Variants in TBC1D1 observed in about 807,000 individuals in gnomAD.
The protein encoded by TBC1D1 is TBC1 (tre-2/USP6, BUB2, cdc16) domain family, member 1.
TBC1D1 carries 89 observed loss-of-function variants against 125.6 expected under a neutral mutation model. That is an observed-to-expected ratio of 0.71 (90% CI 0.60 to 0.85). TBC1D1 has a LOEUF of 0.85. TBC1D1 is among the 40% of genes least tolerant of loss of function. TBC1D1 has a pLI of 0.00. For missense variants in TBC1D1, 1,377 were observed against 1,469.2 expected, an observed-to-expected ratio of 0.94 and a Z score of 1.03; for synonymous variants, 565 against 564.1, an observed-to-expected ratio of 1.00 and a Z score of -0.02.
In TBC1D1 at chr4:37,902,123, A is replaced by G; in HGVS notation, c.28A>G (p.Lys10Glu). ...GGAACCAATAACATTCACAGCAAGG[A>G]AACATCTGCTTTCTAACGAGGTCTC... Residue 10 changes from lysine (K) to glutamate (E), a missense_variant, in exon 2 of 20, where the codon AAA becomes GAA. By Grantham distance (56) the Lys-to-Glu change is moderately conservative. Coordinates refer to ENST00000261439, the MANE Select transcript of TBC1D1 (RefSeq NM_015173.4). 1 of 1,608,700 alleles carries G rather than the reference A, an allele frequency of 6.2e-7. No homozygotes were observed.
rs148702649 is a variant in TBC1D1, at chr4:37,990,009, A to T, written c.418-24500A>T. On this transcript the variant is annotated intron_variant, in intron 2 of 19. Transcript: ENST00000261439. ...TTTGTTTAGCAGAATTTATAATTGT[A>T]GGACTGCCCAAGGCAGAGAATTAGC... 4.2e-3 allele frequency among the ~76,000 whole-genome samples: 646 copies of T among 152,372 alleles called. 4 individuals carry two copies. The highest frequency in any genetic ancestry group is 0.014 in the African/African-American group (589 of 41,588).
chr4:37,981,492 G>A (rs774738614), intron 2 of TBC1D1, among the ~76,000 whole-genome samples: 3 of 152,162 alleles, frequency 2.0e-5, no homozygotes, highest in Non-Finnish European at 4.4e-5. Context: ...CTAGATGGGA[G>A]AGATAGCAAA....
chr4:38,010,849 T>C (rs760494022), intron 2 of TBC1D1, among the ~76,000 whole-genome samples: 4 of 152,104 alleles, frequency 2.6e-5, no homozygotes, highest in Non-Finnish European at 4.4e-5. Context: ...TTAAACCTCC[T>C]CCTCCGGGCA....
chr4:37,898,112 C>T (rs1242970231), intron 1 of TBC1D1, among the ~76,000 whole-genome samples: 2 of 152,100 alleles, frequency 1.3e-5, no homozygotes, highest in African/African-American at 4.8e-5. Context: ...CAGAAAAACA[C>T]AGAGTAAAAA....
rs1196177347 is a variant in TBC1D1, at chr4:38,060,190, A to G, written c.2050+5852A>G. Among the ~76,000 whole-genome samples, 6 of 152,182 alleles carry G rather than the reference A, an allele frequency of 3.9e-5. No homozygotes were observed. The East Asian group carries it at 7.7e-4, about 20-fold the overall frequency. ...GAATAGTGCTGCAGTGAACATATGC[A>G]TGCATGTATCTTTGTAACAGAGTGG... On this transcript the variant is annotated intron_variant, in intron 12 of 19. Transcript: ENST00000261439.
At chr4:37,931,720 C>T (rs1723301422) in intron 2 of TBC1D1, among the ~76,000 whole-genome samples, 1 of 152,186 alleles carries the variant, frequency 6.6e-6, no homozygotes, top group African/African-American at 2.4e-5. Context: ...TCGTGATCCA[C>T]CCGCCTTGGC....
intron 2 of TBC1D1, among the ~76,000 whole-genome samples, chr4:37,993,549 A>G (rs6858606): frequency 0.28 from 42,963 of 151,828 alleles, 6,649 homozygotes; most frequent in African/African-American, 0.4. Flanking sequence ...ATACAGTAGC[A>G]CTCCCTTGGC....
intron 15 of TBC1D1, among the ~76,000 whole-genome samples, chr4:38,111,057 C>T (rs946644836): frequency 2.6e-5 from 4 of 152,246 alleles, no homozygotes; most frequent in African/African-American, 7.2e-5. Context: ...CCCACGGCTC[C>T]GGCCAACTGC....
chr4:38,043,644 G>A (rs962344230), intron 8 of TBC1D1, among the ~76,000 whole-genome samples: 24 of 151,610 alleles, frequency 1.6e-4, no homozygotes, highest in Non-Finnish European at 3.2e-4. Context: ...ACTTCATTTA[G>A]TGGTTGTCAA....
chr4:38,052,194 T>TGTGTGTGTGCGC (rs755025486), intron 11 of TBC1D1, 134 bp downstream of exon 12: 814 of 581,340 alleles, frequency 1.4e-3, no homozygotes, highest in African/African-American at 1.6e-3. Flanking sequence ...TGTGTGTGTG[T>TGTGTGTGTGCGC]GCGCGCGCGT....
At chr4:37,911,128 C>G (rs11930705) in intron 2 of TBC1D1, among the ~76,000 whole-genome samples, 2,524 of 134,710 alleles carry the variant, frequency 0.019, 97 homozygotes, top group African/African-American at 0.068. Flanking sequence ...TTCTCCCCTC[C>G]TCCTTTTTTT....
chr4:38,081,103 G>A (rs1448733724), intron 12 of TBC1D1, among the ~76,000 whole-genome samples: 1 of 152,146 alleles, frequency 6.6e-6, no homozygotes, highest in Non-Finnish European at 1.5e-5. Flanking sequence ...CACTCTGCGT[G>A]TTCGTTGCTG....
rs570099688 is a variant in TBC1D1 at position 37,938,988 on chromosome 4, G to A, written c.417+36476G>A. ...GTGAATAGTGCCGCAATAAACATAC[G>A]TGTGCATGTGTCTTTATAGCAGCAT... On this transcript the variant is annotated intron_variant, in intron 2 of 19. Transcript: ENST00000261439. Among the ~76,000 whole-genome samples, 32 of 152,306 alleles carry A rather than the reference G, an allele frequency of 2.1e-4. No individual in the cohort carries two copies. In the South Asian group the frequency reaches 2.3e-3, roughly 11 times the overall value.
chr4:38,125,983 G>A (rs1764569617), intron 18 of TBC1D1, among the ~76,000 whole-genome samples: 1 of 152,194 alleles, frequency 6.6e-6, no homozygotes, highest in Non-Finnish European at 1.5e-5. Context: ...AGATAGTCAT[G>A]TGTCACTTAA....
At chr4:38,116,039 T>C in intron 16 of TBC1D1, 85 bp downstream of exon 18, 1 of 1,472,818 alleles carries the variant, frequency 6.8e-7, no homozygotes, top group African/African-American at 1.4e-5. Flanking sequence ...AGGAGCTTTT[T>C]CACCGTCAGG....
intron 2 of TBC1D1, among the ~76,000 whole-genome samples, chr4:37,922,920 G>T (rs1323099850): frequency 6.6e-6 from 1 of 152,088 alleles, no homozygotes; most frequent in Non-Finnish European, 1.5e-5. Flanking sequence ...CAATAAGGAG[G>T]TGCCACAGCT....
At chr4:37,952,514 AAACT>A (rs1404643582) in intron 2 of TBC1D1, 1 of 165,228 alleles carries the variant, frequency 6.1e-6, no homozygotes, top group Non-Finnish European at 1.3e-5. Context: ...TATCCTCAGC[AAACT>A]AACAAAGGAA....
intron 12 of TBC1D1, among the ~76,000 whole-genome samples, chr4:38,062,726 G>A (rs755539075): frequency 6.7e-6 from 1 of 149,598 alleles, no homozygotes; most frequent in East Asian, 2.0e-4. Flanking sequence ...CTATTTTTGT[G>A]CCTGTTAACA....
rs1330480867 is a variant in TBC1D1 at position 37,977,508 on chromosome 4, AT to A, written c.418-36999del. 1 of 992,480 alleles carries A rather than the reference AT, an allele frequency of 1.0e-6. No homozygotes were observed. The highest frequency in any genetic ancestry group is 1.2e-4 in the East Asian group (1 of 8,650). 61.5% of individuals were successfully genotyped at this position (992,480 alleles called of 1,614,324 possible). ...CCGCCGCCCGGCCCGCGATGTCACC[AT>A]TGTTCAGCTGGGTGGCCAAGGTAGG... On this transcript the variant is annotated intron_variant, in intron 2 of 19. Coordinates refer to ENST00000261439, the MANE Select transcript of TBC1D1 (RefSeq NM_015173.4). The surrounding 1 kb of genome is among the most constrained non-coding windows in gnomAD (Gnocchi z 4.3).
Sources: gnomAD v4.1 joint callset for allele counts (sites outside exome capture counted in the v4.1 genomes callset) on GRCh38, gnomAD v4.1.1 for gene constraint, Gnocchi (gnomAD v3.1) non-coding constraint, MANE v1.5 for transcripts, NCBI Gene and HGNC (gene_info 2026-07-23, HGNC 2026-07-21) for gene names.